Variants in COMMD1 observed in about 807,000 individuals in gnomAD.
The protein encoded by COMMD1 is COMM domain-containing protein 1.
COMMD1 carries 10 observed loss-of-function variants against 17.2 expected under a neutral mutation model. That is an observed-to-expected ratio of 0.58 (90% confidence interval 0.36 to 0.99). The LOEUF (loss-of-function observed/expected upper bound fraction) is 0.99. Ranked by LOEUF, COMMD1 falls within the 50% of genes least tolerant of loss-of-function variation. The pLI is 0.01. For synonymous variants in COMMD1, 97 were observed against 91.6 expected (o/e 1.06, Z -0.34); for missense variants, 270 against 231.8 (o/e 1.17, Z -1.07).
intron 1 of COMMD1, among the ~76,000 whole-genome samples, chr2:61,974,500 C>T (rs1280587521): frequency 6.6e-6 from 1 of 151,290 alleles, no homozygotes; most frequent in Non-Finnish European, 1.5e-5. Flanking sequence ...TGGTGAAACC[C>T]CATCTCTACT....
At chr2:62,079,247 A>G (rs1372831571) in intron 2 of COMMD1, among the ~76,000 whole-genome samples, 3 of 152,202 alleles carry the variant, frequency 2.0e-5, no homozygotes, top group Non-Finnish European at 2.9e-5. Context: ...TAGACACAGT[A>G]GGGCGTTCCT....
chr2:61,960,237 T>G (rs532682653), intron 1 of COMMD1, among the ~76,000 whole-genome samples: 2 of 152,342 alleles, frequency 1.3e-5, no homozygotes, highest in African/African-American at 4.8e-5. Context: ...CCCTTCTCTT[T>G]TTACTTTATA....
chr2:62,133,389 A>G (rs777453379), intron 2 of COMMD1, among the ~76,000 whole-genome samples: 13 of 152,196 alleles, frequency 8.5e-5, no homozygotes, highest in South Asian at 2.1e-4. Context: ...GGGGTAGGAA[A>G]TGCCATAGTA....
At chr2:62,080,852 A>T (rs1057234317) in intron 2 of COMMD1, among the ~76,000 whole-genome samples, 16 of 151,724 alleles carry the variant, frequency 1.1e-4, no homozygotes, top group African/African-American at 3.9e-4. Flanking sequence ...TGCTTTACTG[A>T]ATAGATCATG....
At chr2:61,919,404 C>T (rs186004345) in intron 1 of COMMD1, among the ~76,000 whole-genome samples, 68 of 152,194 alleles carry the variant, frequency 4.5e-4, no homozygotes, top group East Asian at 3.9e-3. Context: ...CAGCCTCTGC[C>T]GCCCGGGCTC....
intron 1 of COMMD1, among the ~76,000 whole-genome samples, chr2:61,973,540 T>A (rs1671707391): frequency 6.6e-6 from 1 of 152,246 alleles, no homozygotes; most frequent in South Asian, 2.1e-4. Context: ...GGTTTCCTCC[T>A]CTGTGAATTG....
intron 1 of COMMD1, among the ~76,000 whole-genome samples, chr2:61,974,797 G>A (rs1671748558): frequency 6.6e-6 from 1 of 151,836 alleles, no homozygotes; most frequent in African/African-American, 2.4e-5. Flanking sequence ...CCTCCCCCTT[G>A]CAGTTTCCCC....
chr2:61,889,202 CTTTTTTT>C (rs34949326), intron 1 of COMMD1, among the ~76,000 whole-genome samples: 13 of 54,784 alleles, frequency 2.4e-4, no homozygotes, highest in East Asian at 5.9e-4. Flanking sequence ...GAAGCCCGGC[CTTTTTTT>C]TTTTTTTTTT....
rs1670947199 is a variant in COMMD1, at chr2:62,063,868, A to ATATAT, written c.462+62886_462+62887insTATAT. Among the ~76,000 whole-genome samples, 17 of 81,174 alleles carry ATATAT rather than the reference A, an allele frequency of 2.1e-4. 1 individual carries two copies. Among genetic ancestry groups the ATATAT allele is most frequent in the African/African-American group, 8.3e-4 (17 of 20,434 alleles). The allele number at this position is 81,174 out of a possible 152,430, so 53.3% of individuals were successfully genotyped here. A position where few individuals can be genotyped will look rare whatever the true frequency, so the allele number is the denominator to read the frequency against. On this transcript the variant is annotated intron_variant, in intron 2 of 2. Transcript: ENST00000311832. ...CAACATAGTGACACTGTCTCTACAAAATATATATATATATATATATATATA... is the reference window on the plus strand; with the variant it reads ...CAACATAGTGACACTGTCTCTACAAATATATATATATATATATATATATATATATA...
chr2:62,070,248 A>G (rs1306440548), intron 2 of COMMD1: 2 of 152,210 alleles, frequency 1.3e-5, no homozygotes, highest in African/African-American at 4.8e-5. Context: ...TTTTTTCCCA[A>G]CAAAAAGTAA....
intron 1 of COMMD1, among the ~76,000 whole-genome samples, chr2:61,952,987 T>C (rs527621703): frequency 1.3e-5 from 2 of 152,316 alleles, no homozygotes; most frequent in African/African-American, 4.8e-5. Flanking sequence ...TTGACCTCCT[T>C]GCCAACACTT....
intron 2 of COMMD1, among the ~76,000 whole-genome samples, chr2:62,123,395 C>G (rs1467054924): frequency 1.3e-5 from 2 of 150,794 alleles, no homozygotes; most frequent in Non-Finnish European, 2.9e-5. Context: ...GTACCAGCTA[C>G]TTGGGAGGCT....
chr2:62,043,183 C>G (rs966483692), intron 2 of COMMD1, among the ~76,000 whole-genome samples: 28 of 152,208 alleles, frequency 1.8e-4, no homozygotes, highest in African/African-American at 6.5e-4. Context: ...AAGGGAATAG[C>G]TTGTACCTTG....
chr2:62,080,206 A>G (rs1319878411), intron 2 of COMMD1, among the ~76,000 whole-genome samples: 7 of 152,188 alleles, frequency 4.6e-5, no homozygotes, highest in African/African-American at 7.2e-5. Flanking sequence ...TAATCCCAGT[A>G]CTTTGGGAGG....
chr2:62,069,921 G>A (rs1391035348), intron 2 of COMMD1: 1 of 152,210 alleles, frequency 6.6e-6, no homozygotes, highest in African/African-American at 2.4e-5. Flanking sequence ...GTTAATAGCA[G>A]TAAATCTTCA....
intron 1 of COMMD1, among the ~76,000 whole-genome samples, chr2:61,920,215 G>A (rs192669957): frequency 2.6e-5 from 4 of 152,212 alleles, no homozygotes; most frequent in Non-Finnish European, 5.9e-5. Flanking sequence ...GCTGGTAGTA[G>A]GGCTATGGTT....
intron 2 of COMMD1, among the ~76,000 whole-genome samples, chr2:62,123,415 G>A (rs1672801010): frequency 6.6e-6 from 1 of 150,482 alleles, no homozygotes; most frequent in Non-Finnish European, 1.5e-5. Flanking sequence ...TGAGGCAGGA[G>A]AATTGCTGGA....
chr2:62,080,686 A>G (rs541447414), intron 2 of COMMD1, among the ~76,000 whole-genome samples: 26 of 152,206 alleles, frequency 1.7e-4, no homozygotes, highest in Non-Finnish European at 3.7e-4. Flanking sequence ...AAACTTAAAT[A>G]AGAGATCCCC....
rs1353614500 is a variant in COMMD1 at position 62,135,883 on chromosome 2, T to C, written c.515T>C (p.Leu172Pro). 3.7e-6 allele frequency: 6 copies of C among 1,605,932 alleles called. No homozygotes were observed. Among genetic ancestry groups the C allele is most frequent in the African/African-American group, 1.3e-5 (1 of 74,904 alleles). Residue 172 changes from leucine (L) to proline (P), a missense_variant, in exon 3 of 3, where the codon CTG becomes CCG. Physicochemically the swap from Leu to Pro is moderately conservative, Grantham distance 98 (BLOSUM62 -3). Transcript: ENST00000311832. Reference sequence around the variant, plus strand: ...GATGAGGTCAAAGTCAACCAAATTCTGAAGACGCTGTCAGAGGTAGAAGAA... The same window carrying C: ...GATGAGGTCAAAGTCAACCAAATTCCGAAGACGCTGTCAGAGGTAGAAGAA... The part of the protein sequence containing the change: ...EFDEVKVNQI[L>P]KTLSEVEESI...
Sources: allele counts gnomAD v4.1 joint callset (sites outside exome capture counted in the v4.1 genomes callset), GRCh38; gene constraint gnomAD v4.1.1; transcripts MANE v1.5; gene names NCBI Gene and HGNC (gene_info 2026-07-23, HGNC 2026-07-21).